Variants in PGM2L1 observed in about 807,000 individuals in gnomAD.
PGM2L1 encodes glucose 1,6-bisphosphate synthase.
In PGM2L1, 35 loss-of-function variants were observed where a neutral mutation model predicts 73.4. That is an observed-to-expected ratio of 0.48 (90% CI 0.36 to 0.63). The LOEUF (loss-of-function observed/expected upper bound fraction) is 0.63. PGM2L1 is among the 30% of genes least tolerant of loss of function. PGM2L1 has a pLI of 0.00. For synonymous variants in PGM2L1, 225 were observed against 253.8 expected (o/e 0.89, Z 1.08); for missense variants, 570 against 742.0 (o/e 0.77, Z 2.69).
intron 5 of PGM2L1, among the ~76,000 whole-genome samples, chr11:74,356,615 A>G (rs551806483): frequency 6.6e-6 from 1 of 152,356 alleles, no homozygotes; most frequent in South Asian, 2.1e-4. Context: ...GAAAAATACC[A>G]TAATATCATG....
At position 74,332,045 on chromosome 11, in the gene PGM2L1, CTT is replaced by C. The variant is rs1862023228; in HGVS notation, c.*4605_*4606del. 1 of 152,198 alleles carries C rather than the reference CTT, an allele frequency of 6.6e-6. No individual in the cohort carries two copies. Among genetic ancestry groups the C allele is most frequent in the South Asian group, 2.1e-4 (1 of 4,834 alleles). The allele number at this position is 152,198 out of a possible 1,614,324, so 9.4% of individuals were successfully genotyped here. A position where few individuals can be genotyped will look rare whatever the true frequency, so the allele number is the denominator to read the frequency against. ...TAAGGTAACCAGTAGTCAACACTAA[CTT>C]TGTTTCCAACTAGAATTAAATTCAT... is the stretch of plus-strand genomic sequence containing the variant. On this transcript the variant is annotated 3_prime_UTR_variant, in exon 14 of 14. Coordinates refer to ENST00000298198, the MANE Select transcript of PGM2L1 (RefSeq NM_173582.6).
intron 5 of PGM2L1, chr11:74,355,471 G>A (rs374186027): frequency 0.019 from 7,339 of 388,464 alleles, 92 homozygotes; most frequent in Non-Finnish European, 0.026. Flanking sequence ...GGAGAATGGC[G>A]TGAACCCGGG....
rs769475157 is a variant in PGM2L1 at position 74,368,515 on chromosome 11, G to A, written c.532C>T (p.Arg178Cys). 29 of 1,613,304 alleles carry A rather than the reference G, an allele frequency of 1.8e-5. No individual in the cohort carries two copies. In the Middle Eastern group the frequency reaches 4.9e-4, roughly 27 times the overall value. The change falls in exon 5 of 14, where the codon CGC (arginine) becomes TGC (cysteine). Residue 178 changes from arginine to cysteine, a missense_variant. By Grantham distance (180) the Arg-to-Cys change is radical. Transcript: ENST00000298198. ...AGVMITASHN[R>C]KEDNGYKVYW... ...ACCTTGTATCCATTGTCTTCCTTGC[G>A]GTTGTGAGAGGCAGTAATCATCACA...
intron 1 of PGM2L1, among the ~76,000 whole-genome samples, chr11:74,376,697 C>T (rs1204075688): frequency 2.0e-5 from 3 of 152,038 alleles, no homozygotes; most frequent in African/African-American, 7.2e-5. Context: ...TTTAACTGCA[C>T]AGCTACTAGA....
intron 5 of PGM2L1, chr11:74,354,799 C>A (rs1862417449): frequency 2.1e-6 from 2 of 972,550 alleles, no homozygotes; most frequent in Non-Finnish European, 3.3e-6. Flanking sequence ...TGAAGAACAT[C>A]ACCTAAGAGA....
At chr11:74,379,308 C>A (rs188431879) in intron 1 of PGM2L1, among the ~76,000 whole-genome samples, 1 of 152,198 alleles carries the variant, frequency 6.6e-6, no homozygotes, top group African/African-American at 2.4e-5. Flanking sequence ...TTATTATCAC[C>A]AGCAGAGAAC....
intron 13 of PGM2L1, among the ~76,000 whole-genome samples, chr11:74,337,023 C>T (rs1862108521): frequency 6.6e-6 from 1 of 152,042 alleles, no homozygotes; most frequent in Non-Finnish European, 1.5e-5. Context: ...AAAGAATTCT[C>T]CTGGGTCAGG....
At chr11:74,361,323 C>T (rs150956614) in intron 5 of PGM2L1, among the ~76,000 whole-genome samples, 1,731 of 152,312 alleles carry the variant, frequency 0.011, 32 homozygotes, top group African/African-American at 0.04. Flanking sequence ...TCCAACAGAC[C>T]TGCAGCTGAG....
In PGM2L1 at chr11:74,331,710, C is replaced by T. The variant is rs1201257142; in HGVS notation, c.*4942G>A. The T allele has an allele frequency of 6.6e-6, 1 of 152,168 alleles. No individual in the cohort carries two copies. Among genetic ancestry groups the T allele is most frequent in the East Asian group, 1.9e-4 (1 of 5,198 alleles). The allele number at this position is 152,168 out of a possible 1,614,324, so 9.4% of individuals were successfully genotyped here. On this transcript the variant is annotated 3_prime_UTR_variant, in exon 14 of 14. Coordinates refer to ENST00000298198, the MANE Select transcript of PGM2L1 (RefSeq NM_173582.6). ...GGCATAAGTTTCAGTAAAGATTAAA[C>T]ATATCATTTTTATATTAAAAGTTTT... is the stretch of plus-strand genomic sequence containing the variant.
intron 13 of PGM2L1, among the ~76,000 whole-genome samples, chr11:74,338,012 G>T (rs181784421): frequency 6.6e-6 from 1 of 152,200 alleles, no homozygotes; most frequent in Non-Finnish European, 1.5e-5. Flanking sequence ...TCCATCAAAT[G>T]ATCAATGGAT....
intron 5 of PGM2L1, among the ~76,000 whole-genome samples, chr11:74,352,270 A>G (rs1044358462): frequency 2.6e-5 from 4 of 152,124 alleles, no homozygotes; most frequent in African/African-American, 9.7e-5. Context: ...ACCACAGACT[A>G]TTCCCTAAAA....
chr11:74,340,798 C>T (rs954455100), intron 12 of PGM2L1, among the ~76,000 whole-genome samples: 5 of 152,024 alleles, frequency 3.3e-5, no homozygotes, highest in Non-Finnish European at 5.9e-5. Context: ...AGGAAGGTGT[C>T]TAATTATGAG....
chr11:74,374,007 T>TTG (rs1483999802), intron 2 of PGM2L1, among the ~76,000 whole-genome samples: 4 of 149,640 alleles, frequency 2.7e-5, no homozygotes, highest in African/African-American at 9.8e-5. Flanking sequence ...AAATAAAGTT[T>TTG]TGTGTGTGTG....
At chr11:74,351,064 A>T (rs113806649) in intron 6 of PGM2L1, among the ~76,000 whole-genome samples, 4,766 of 152,322 alleles carry the variant, frequency 0.031, 121 homozygotes, top group African/African-American at 0.068. Flanking sequence ...ATATAAATGG[A>T]ATCATACAAT....
At chr11:74,358,768 A>T (rs560307935) in intron 5 of PGM2L1, among the ~76,000 whole-genome samples, 122 of 152,314 alleles carry the variant, frequency 8.0e-4, no homozygotes, top group Non-Finnish European at 1.4e-3. Flanking sequence ...GCACGCCTGT[A>T]GTCCCAGCTA....
In PGM2L1 at chr11:74,333,074, G is replaced by C. The variant is rs528986083; in HGVS notation, c.*3578C>G. On this transcript the variant is annotated 3_prime_UTR_variant, in exon 14 of 14. Transcript: ENST00000298198. ...GAGTGAAACCCAAATGTTACTTTTA[G>C]TGCCCTTTATGACATTTTTGTTCTA... The C allele has an allele frequency of 6.6e-6, 1 of 151,978 alleles. No individual in the cohort carries two copies. The highest frequency in any genetic ancestry group is 2.4e-5 in the African/African-American group (1 of 41,400). 9.4% of individuals were successfully genotyped at this position (151,978 alleles called of 1,614,324 possible).
intron 7 of PGM2L1, 103 bp from the exon 8 acceptor site, chr11:74,346,932 C>T (rs1234878359): frequency 2.8e-6 from 3 of 1,062,090 alleles, no homozygotes; most frequent in Non-Finnish European, 4.3e-6. Context: ...TTTTAGAAGG[C>T]ATAGAATTCA....
chr11:74,356,629 G>A (rs903208132), intron 5 of PGM2L1, among the ~76,000 whole-genome samples: 2 of 152,082 alleles, frequency 1.3e-5, no homozygotes, highest in Non-Finnish European at 2.9e-5. Flanking sequence ...TATCATGCAT[G>A]GAAAAATATC....
intron 5 of PGM2L1, among the ~76,000 whole-genome samples, chr11:74,361,073 G>C (rs950842442): frequency 6.6e-6 from 1 of 152,190 alleles, no homozygotes; most frequent in Non-Finnish European, 1.5e-5. Flanking sequence ...CACGGAGTTT[G>C]AGATCTGAGA....
Sources: gnomAD v4.1 joint callset for allele counts (sites outside exome capture counted in the v4.1 genomes callset) on GRCh38, gnomAD v4.1.1 for gene constraint, MANE v1.5 for transcripts, NCBI Gene and HGNC (gene_info 2026-07-23, HGNC 2026-07-21) for gene names.